FNDC3B: variants seen among roughly 807,000 people sequenced by gnomAD.
The protein encoded by FNDC3B is fibronectin type III domain containing 3B.
Under a neutral mutation model 151.5 loss-of-function variants are expected in FNDC3B, and 12 were observed. The observed-to-expected ratio is 0.08, with a 90% CI of 0.05 to 0.13. The LOEUF (loss-of-function observed/expected upper bound fraction) is 0.13. Among genes scored for constraint, FNDC3B ranks in the 10% least tolerant of loss-of-function variants. The probability of loss-of-function intolerance (pLI) is 1.00; values close to 1 mark genes in which losing one functional copy is unlikely to be tolerated. For missense variants in FNDC3B, 1,214 were observed against 1,505.3 expected, an observed-to-expected ratio of 0.81 and a Z score of 3.20; for synonymous variants, 528 against 549.0, an observed-to-expected ratio of 0.96 and a Z score of 0.54.
At chr3:172,156,914 T>C (rs1432745206) in intron 3 of FNDC3B, among the ~76,000 whole-genome samples, 6 of 152,298 alleles carry the variant, frequency 3.9e-5, no homozygotes, top group African/African-American at 1.4e-4. Context: ...AATATTCCGG[T>C]CTGCATGGTG....
chr3:172,310,886 G>A lies in FNDC3B; in HGVS notation c.1254+5G>A, dbSNP rs1731438533. Reference sequence around the variant, plus strand: ...TACCTTTTAGAGTGGGATGAGGTAAGCTTATTTTCATATTCACCCATCTAA... The same window carrying A: ...TACCTTTTAGAGTGGGATGAGGTAAACTTATTTTCATATTCACCCATCTAA... On this transcript the variant is annotated splice_donor_5th_base_variant and intron_variant, in intron 11 of 25. Transcript: ENST00000415807. The A allele has an allele frequency of 6.2e-7, 1 of 1,604,364 alleles. No individual in the cohort carries two copies. Among genetic ancestry groups the A allele is most frequent in the Non-Finnish European group, 8.5e-7 (1 of 1,171,226 alleles).
chr3:172,060,972 G>C (rs553002519), intron 1 of FNDC3B, among the ~76,000 whole-genome samples: 1 of 152,264 alleles, frequency 6.6e-6, no homozygotes, highest in Admixed American at 6.5e-5. Flanking sequence ...TTATTGCATT[G>C]CAGATAACAG....
intron 1 of FNDC3B, among the ~76,000 whole-genome samples, chr3:172,049,361 A>G (rs2108455827): frequency 6.6e-6 from 1 of 152,204 alleles, no homozygotes; most frequent in African/African-American, 2.4e-5. Flanking sequence ...TCTGGAGGGG[A>G]AAAAAGGGCA....
At chr3:172,266,484 T>C (rs1292114087) in intron 6 of FNDC3B, among the ~76,000 whole-genome samples, 2 of 152,234 alleles carry the variant, frequency 1.3e-5, no homozygotes, top group Admixed American at 1.3e-4. Flanking sequence ...AAGCCAGTGA[T>C]TTAAAACAAC....
At chr3:172,251,565 A>G (rs890360310) in intron 6 of FNDC3B, 24 bp downstream of exon 6, 11 of 1,579,988 alleles carry the variant, frequency 7.0e-6, no homozygotes, top group Middle Eastern at 1.7e-4. Context: ...TGTTTGCCAT[A>G]GAGTGAATTA....
intron 3 of FNDC3B, among the ~76,000 whole-genome samples, chr3:172,196,492 AT>A (rs1166865483): frequency 1.3e-5 from 2 of 152,042 alleles, no homozygotes; most frequent in East Asian, 3.9e-4. Flanking sequence ...TTTATAATTT[AT>A]TTCCATATGT....
chr3:172,376,486 AAACC>A (rs1281792042), intron 23 of FNDC3B, among the ~76,000 whole-genome samples: 3 of 152,250 alleles, frequency 2.0e-5, no homozygotes, highest in Non-Finnish European at 4.4e-5. Context: ...TTCACTACTT[AAACC>A]ATGACTTCAA....
At chr3:172,165,053 G>A (rs1028024320) in intron 3 of FNDC3B, among the ~76,000 whole-genome samples, 1 of 152,178 alleles carries the variant, frequency 6.6e-6, no homozygotes, top group Non-Finnish European at 1.5e-5. Flanking sequence ...TTACTCTGTG[G>A]CCCAGGCTGG....
At chr3:172,224,328 C>A (rs190599780) in intron 3 of FNDC3B, among the ~76,000 whole-genome samples, 82 of 152,266 alleles carry the variant, frequency 5.4e-4, no homozygotes, top group Non-Finnish European at 7.6e-4. Flanking sequence ...TAAATGGGGT[C>A]ATGCAATGAT....
chr3:172,217,215 C>A (rs1446829177), intron 3 of FNDC3B, among the ~76,000 whole-genome samples: 1 of 152,200 alleles, frequency 6.6e-6, no homozygotes, highest in South Asian at 2.1e-4. Flanking sequence ...ACCAAGGGTT[C>A]TAAAAACTGG....
rs1724551033 is a variant in FNDC3B, at chr3:172,192,183, T to TG, written c.188-34688_188-34687insG. ...TTTTTGTGTGTGTTTTTTGTTTTTT[T>TG]TTTTTTTGAGAGGGAGTCTTGCTCT... On this transcript the variant is annotated intron_variant, in intron 3 of 25. Coordinates refer to ENST00000415807, the MANE Select transcript of FNDC3B (RefSeq NM_022763.4). Among the ~76,000 whole-genome samples the TG allele has an allele frequency of 2.0e-5, 3 of 149,698 alleles. No homozygotes were observed. The South Asian group carries it at 6.4e-4, about 32-fold the overall frequency.
intron 1 of FNDC3B, among the ~76,000 whole-genome samples, chr3:172,063,114 A>G (rs944758405): frequency 6.6e-6 from 1 of 151,974 alleles, no homozygotes; most frequent in Non-Finnish European, 1.5e-5. Context: ...TTTTTTCGTT[A>G]TATACTTTTG....
intron 20 of FNDC3B, 131 bp downstream of exon 20, chr3:172,346,571 A>C (rs1428113993): frequency 4.0e-6 from 2 of 500,312 alleles, no homozygotes; most frequent in African/African-American, 4.3e-5. Flanking sequence ...TGCTCTGTGT[A>C]CTATAGTAAT....
chr3:172,119,784 T>C (rs1005127699), intron 2 of FNDC3B, among the ~76,000 whole-genome samples: 10 of 152,166 alleles, frequency 6.6e-5, no homozygotes, highest in Non-Finnish European at 7.3e-5. Context: ...GATTCTCCAG[T>C]CCGAAGGTCC....
rs554945146 is a variant in FNDC3B, at chr3:172,364,514, G to A, written c.3008+1669G>A. On this transcript the variant is annotated intron_variant, in intron 23 of 25. Transcript: ENST00000415807. ...CATCTTAGAAATGTGGGAAGTGAAG[G>A]CTCTGCCCCAAGGGCACCCCCTCTT... is the stretch of plus-strand genomic sequence containing the variant. Among the ~76,000 whole-genome samples, 4 of 152,328 alleles carry A rather than the reference G, an allele frequency of 2.6e-5. No individual in the cohort carries two copies. The East Asian group carries it at 7.7e-4, about 29-fold the overall frequency.
intron 10 of FNDC3B, among the ~76,000 whole-genome samples, chr3:172,309,025 C>T (rs1318114732): frequency 6.6e-6 from 1 of 152,170 alleles, no homozygotes; most frequent in Non-Finnish European, 1.5e-5. Flanking sequence ...CTCAGGCAGA[C>T]CAGCAACTTC....
At chr3:172,367,613 A>G (rs1041266291) in intron 23 of FNDC3B, among the ~76,000 whole-genome samples, 4 of 152,218 alleles carry the variant, frequency 2.6e-5, no homozygotes, top group Non-Finnish European at 5.9e-5. Flanking sequence ...AGATTGTAGC[A>G]CTGTGCCGAT....
intron 21 of FNDC3B, among the ~76,000 whole-genome samples, chr3:172,349,610 G>A (rs1164184291): frequency 1.3e-5 from 2 of 152,060 alleles, no homozygotes; most frequent in African/African-American, 2.4e-5. Flanking sequence ...ATTCTGATTA[G>A]GTCTGTATGT....
chr3:172,298,724 A>G lies in FNDC3B; in HGVS notation c.1002-4A>G, dbSNP rs769877319. On this transcript the variant is annotated splice_polypyrimidine_tract_variant and splice_region_variant and intron_variant, in intron 8 of 25. Transcript: ENST00000415807. ...AGCAACTAATGAATGCTTTTTCTTTACAGTGGAGAAGAATTAGAATGTAAC... is the reference window on the plus strand; with the variant it reads ...AGCAACTAATGAATGCTTTTTCTTTGCAGTGGAGAAGAATTAGAATGTAAC... The G allele has an allele frequency of 2.1e-5, 33 of 1,597,766 alleles. No individual in the cohort carries two copies. Among genetic ancestry groups the G allele is most frequent in the Non-Finnish European group, 2.6e-5 (30 of 1,173,130 alleles).
Sources: gnomAD v4.1 joint callset for allele counts (sites outside exome capture counted in the v4.1 genomes callset) on GRCh38, gnomAD v4.1.1 for gene constraint, MANE v1.5 for transcripts, NCBI Gene and HGNC (gene_info 2026-07-23, HGNC 2026-07-21) for gene names.